SLC39A12: variants seen among roughly 807,000 people sequenced by gnomAD.
SLC39A12 encodes the protein zinc transporter ZIP12.
A neutral mutation model predicts 71.1 loss-of-function variants in SLC39A12; 63 were observed. That is an observed-to-expected ratio of 0.89 (90% CI 0.72 to 1.09). SLC39A12 has a LOEUF of 1.09. Among genes scored for constraint, SLC39A12 ranks in the 50% least tolerant of loss-of-function variants. The pLI is 0.00. For missense variants in SLC39A12, 892 were observed against 812.6 expected (o/e 1.10, Z -1.19); for synonymous variants, 351 against 301.3 (o/e 1.16, Z -1.71).
chr10:17,999,061 C>A (rs1375309868), intron 10 of SLC39A12, among the ~76,000 whole-genome samples: 1 of 152,048 alleles, frequency 6.6e-6, no homozygotes, highest in East Asian at 1.9e-4. Context: ...CTTTGGGAGG[C>A]CGAGGCGGGT....
intron 12 of SLC39A12, among the ~76,000 whole-genome samples, chr10:18,012,265 A>G (rs1836247729): frequency 6.6e-6 from 1 of 152,240 alleles, no homozygotes; most frequent in South Asian, 2.1e-4. Flanking sequence ...AGCACAAGAT[A>G]GCCATAACCA....
chr10:17,991,289 TC>T lies in SLC39A12; in HGVS notation c.1409del (p.Ser470TyrfsTer27). ...AGAAAAATGTTTTATTCTTCTTGTA[TC>T]ACCAAATGACAAGGTATATTTTTAA... ...LIEKCFILLV[S>X]PNDKQGLSLV... On this transcript the variant is annotated frameshift_variant, in exon 8 of 13. Coordinates refer to ENST00000377369, the MANE Select transcript of SLC39A12 (RefSeq NM_001145195.2). LOFTEE classifies it high-confidence loss of function. 1 of 1,585,984 alleles carries T rather than the reference TC, an allele frequency of 6.3e-7. No individual in the cohort carries two copies. Among genetic ancestry groups the T allele is most frequent in the South Asian group, 1.2e-5 (1 of 83,888 alleles).
chr10:17,977,758 G>A (rs1835146541), intron 4 of SLC39A12, 144 bp from the exon 5 acceptor site: 4 of 580,396 alleles, frequency 6.9e-6, no homozygotes, highest in Non-Finnish European at 1.1e-5. Flanking sequence ...TTCGTGGGTG[G>A]AAATGTCCAT....
chr10:17,974,126 A>T (rs12780445), intron 4 of SLC39A12, among the ~76,000 whole-genome samples: 35,015 of 151,682 alleles, frequency 0.23, 4,170 homozygotes, highest in South Asian at 0.29. Context: ...AATAATTTTA[A>T]TCTTTGTTAA....
At chr10:17,967,728 CA>C (rs201969870) in intron 4 of SLC39A12, among the ~76,000 whole-genome samples, 2,048 of 148,850 alleles carry the variant, frequency 0.014, 40 homozygotes, top group African/African-American at 0.044. Flanking sequence ...CTAAAAAATA[CA>C]AAAAAAAATA....
At chr10:17,967,710 A>C (rs916286389) in intron 4 of SLC39A12, among the ~76,000 whole-genome samples, 7 of 151,522 alleles carry the variant, frequency 4.6e-5, no homozygotes, top group South Asian at 2.1e-4. Flanking sequence ...GGTGAAACCC[A>C]GTCTCTACTA....
At chr10:17,981,187 G>A (rs1297216901) in intron 5 of SLC39A12, 125 bp from the exon 6 acceptor site, 5 of 737,668 alleles carry the variant, frequency 6.8e-6, no homozygotes, top group Non-Finnish European at 1.1e-5. Flanking sequence ...AACACGTGTC[G>A]TACCGGCTTC....
intron 3 of SLC39A12, among the ~76,000 whole-genome samples, chr10:17,963,451 G>C (rs692077): frequency 6.6e-6 from 1 of 152,108 alleles, no homozygotes; most frequent in East Asian, 1.9e-4. Flanking sequence ...CTGAGATAAA[G>C]CAGCCCCAGA....
intron 4 of SLC39A12, among the ~76,000 whole-genome samples, chr10:17,970,965 A>G (rs115645781): frequency 0.019 from 2,892 of 152,092 alleles, 80 homozygotes; most frequent in African/African-American, 0.065. Flanking sequence ...TATTATGTTG[A>G]GATATGTTCC....
intron 6 of SLC39A12, among the ~76,000 whole-genome samples, chr10:17,983,199 A>AAAAAC (rs1835311886): frequency 7.6e-6 from 1 of 132,134 alleles, no homozygotes; most frequent in Admixed American, 7.8e-5. Context: ...AAAAAAAAAG[A>AAAAAC]CTCTAGAAAG....
rs1372964900 is a variant in SLC39A12 at position 17,959,132 on chromosome 10, A to G, written c.262-2449A>G. On this transcript the variant is annotated intron_variant, in intron 2 of 12. Coordinates refer to ENST00000377369, the MANE Select transcript of SLC39A12 (RefSeq NM_001145195.2). ...CCATTTTTTTATTTACACTTTTTAT[A>G]AAAGTGTAAGTTTTTCATTACACTT... 5.3e-5 allele frequency among the ~76,000 whole-genome samples: 8 copies of G among 152,218 alleles called. No homozygotes were observed. The East Asian group carries it at 9.7e-4, about 18-fold the overall frequency.
chr10:17,961,843 T>C lies in SLC39A12; in HGVS notation c.524T>C (p.Phe175Ser). ...ATCTTGGCTTTCACCAGGCAGTACT[T>C]TGACACTTCTCAAAGCCAGGTAAGA... ...EDILAFTRQY[F>S]DTSQSQCMET... The change falls in exon 3 of 13, where the codon TTT becomes TCT. Residue 175 changes from phenylalanine to serine, a missense_variant. Physicochemically the swap from Phe to Ser is radical, Grantham distance 155. Transcript: ENST00000377369. 1 of 1,613,448 alleles carries C rather than the reference T, an allele frequency of 6.2e-7. No individual in the cohort carries two copies.
At chr10:17,985,150 C>T (rs1835368095) in intron 6 of SLC39A12, among the ~76,000 whole-genome samples, 1 of 152,116 alleles carries the variant, frequency 6.6e-6, no homozygotes, top group Non-Finnish European at 1.5e-5. Context: ...CGAGACCAGC[C>T]TGGCCAACAT....
intron 12 of SLC39A12, among the ~76,000 whole-genome samples, chr10:18,041,420 C>T (rs962761551): frequency 1.1e-4 from 16 of 150,750 alleles, no homozygotes; most frequent in African/African-American, 2.7e-4. Flanking sequence ...TGCTTGAACC[C>T]GGGAGGCAGA....
rs987525426 is a variant in SLC39A12, at chr10:18,002,967, C to T, written c.1760-204C>T. Reference sequence around the variant, plus strand: ...TAGGAGCAGCCAAAGGAATGGAACTCTTGAAATGCAACTTCCTAATAGTAC... The same window carrying T: ...TAGGAGCAGCCAAAGGAATGGAACTTTTGAAATGCAACTTCCTAATAGTAC... On this transcript the variant is annotated intron_variant, in intron 11 of 12. Coordinates refer to ENST00000377369, the MANE Select transcript of SLC39A12 (RefSeq NM_001145195.2). 31 of 511,858 alleles carry T rather than the reference C, an allele frequency of 6.1e-5. No individual in the cohort carries two copies. In the East Asian group the frequency reaches 9.8e-4, roughly 16 times the overall value. The allele number at this position is 511,858 out of a possible 1,614,324, so 31.7% of individuals were successfully genotyped here. A position where few individuals can be genotyped will look rare whatever the true frequency, so the allele number is the denominator to read the frequency against.
At chr10:17,988,352 T>C (rs1387894517) in intron 7 of SLC39A12, among the ~76,000 whole-genome samples, 1 of 152,012 alleles carries the variant, frequency 6.6e-6, no homozygotes, top group Non-Finnish European at 1.5e-5. Context: ...CCTGGTTGTT[T>C]AAAAGTCCAG....
chr10:18,041,043 T>C (rs1407616480), intron 12 of SLC39A12, among the ~76,000 whole-genome samples: 2 of 152,036 alleles, frequency 1.3e-5, no homozygotes, highest in African/African-American at 4.8e-5. Context: ...TGGCCCAAAA[T>C]GGCAAGATTG....
At chr10:17,974,611 A>G (rs1835057893) in intron 4 of SLC39A12, among the ~76,000 whole-genome samples, 1 of 152,186 alleles carries the variant, frequency 6.6e-6, no homozygotes, top group Admixed American at 6.5e-5. Flanking sequence ...CCTTTCTCCT[A>G]AACAAATGGA....
rs1554847401 is a variant in SLC39A12 at position 17,953,492 on chromosome 10, T to C, written c.216T>C (p.Thr72=). 6.2e-7 allele frequency: 1 copy of C among 1,614,172 alleles called. No homozygotes were observed. The highest frequency in any genetic ancestry group is 8.5e-7 in the Non-Finnish European group (1 of 1,180,046). The part of the protein sequence containing the change: ...RSLIKTLLEK[T]GCPRRRNGMQ... ...TCATCAAAACATTGTTGGAGAAAAC[T>C]GGGTGCCCACGGAGGAGAAACGGAA... The change falls in exon 2 of 13, where the codon ACT becomes ACC. Residue 72 remains threonine (T), a synonymous_variant. Transcript: ENST00000377369.
Sources: gnomAD v4.1 joint callset for allele counts (sites outside exome capture counted in the v4.1 genomes callset) on GRCh38, gnomAD v4.1.1 for gene constraint, MANE v1.5 for transcripts, NCBI Gene and HGNC (gene_info 2026-07-23, HGNC 2026-07-21) for gene names.